The following MAD1L1 variants were observed in gnomAD, a reference collection of about 807,000 sequenced individuals.
MAD1L1 encodes the protein mitotic arrest deficient 1 like 1, also known as mitotic spindle assembly checkpoint protein MAD1.
MAD1L1 carries 95 observed loss-of-function variants against 96.9 expected under a neutral mutation model. The observed-to-expected ratio is 0.98, with a 90% CI of 0.83 to 1.16. MAD1L1 has a LOEUF of 1.16. MAD1L1 is among the 50% of genes most tolerant of loss of function. The pLI is 0.00. For missense variants in MAD1L1, 1,007 were observed against 954.4 expected, an observed-to-expected ratio of 1.06 and a Z score of -0.73; for synonymous variants, 473 against 396.6, an observed-to-expected ratio of 1.19 and a Z score of -2.29.
intron 15 of MAD1L1, among the ~76,000 whole-genome samples, chr7:1,974,819 C>T (rs1032741862): frequency 2.0e-5 from 3 of 152,370 alleles, no homozygotes; most frequent in South Asian, 2.1e-4. Context: ...GAGCAGGCCC[C>T]GGCCAGAGTG....
chr7:1,885,512 G>C (rs552770246), intron 18 of MAD1L1, among the ~76,000 whole-genome samples: 1 of 152,134 alleles, frequency 6.6e-6, no homozygotes, highest in Non-Finnish European at 1.5e-5. Context: ...GGGTGCGGTC[G>C]GAAGGGCAGA....
At chr7:1,858,267 G>A (rs1048680731) in intron 18 of MAD1L1, among the ~76,000 whole-genome samples, 3 of 152,224 alleles carry the variant, frequency 2.0e-5, no homozygotes, top group Admixed American at 6.5e-5. Context: ...TAGCGGTGCT[G>A]GGATCTGAGT....
At chr7:2,189,038 A>G (rs1410962182) in intron 10 of MAD1L1, among the ~76,000 whole-genome samples, 1 of 152,202 alleles carries the variant, frequency 6.6e-6, no homozygotes, top group Non-Finnish European at 1.5e-5. Flanking sequence ...ATTTTTCCAA[A>G]GAAGACACAC....
At chr7:2,104,032 G>A (rs972558950) in intron 11 of MAD1L1, among the ~76,000 whole-genome samples, 20 of 152,210 alleles carry the variant, frequency 1.3e-4, no homozygotes, top group Non-Finnish European at 2.4e-4. Context: ...AGCCTGCCTT[G>A]AGCAAAAGCA....
At chr7:1,825,559 C>T (rs1335510185) in intron 18 of MAD1L1, among the ~76,000 whole-genome samples, 1 of 152,234 alleles carries the variant, frequency 6.6e-6, no homozygotes, top group Admixed American at 6.5e-5. Context: ...ACCCAGCGGC[C>T]AGGGCACCCA....
chr7:1,965,966 C>A (rs961548838), intron 15 of MAD1L1, among the ~76,000 whole-genome samples: 2 of 152,266 alleles, frequency 1.3e-5, no homozygotes, highest in Non-Finnish European at 1.5e-5. Context: ...TGGGGGGCAT[C>A]CCTGGGTCGG....
At chr7:1,943,199 C>A (rs1779079929) in intron 16 of MAD1L1, among the ~76,000 whole-genome samples, 2 of 152,186 alleles carry the variant, frequency 1.3e-5, no homozygotes, top group South Asian at 4.1e-4. Flanking sequence ...ACCCTCCTAA[C>A]CTTGGATTTA....
chr7:2,095,199 C>T (rs1053847308), intron 11 of MAD1L1, among the ~76,000 whole-genome samples: 37 of 152,166 alleles, frequency 2.4e-4, no homozygotes, highest in Admixed American at 1.8e-3. Context: ...CCCGCCACCA[C>T]GCCTGGCTAC....
At chr7:2,044,796 T>C (rs1783846589) in intron 12 of MAD1L1, among the ~76,000 whole-genome samples, 2 of 151,964 alleles carry the variant, frequency 1.3e-5, no homozygotes, top group Non-Finnish European at 2.9e-5. Context: ...CCCCAAGAAA[T>C]GGAGGCCATC....
intron 12 of MAD1L1, among the ~76,000 whole-genome samples, chr7:2,058,749 G>C (rs1284960741): frequency 1.6e-5 from 2 of 122,148 alleles, no homozygotes; most frequent in East Asian, 2.8e-4. Flanking sequence ...TGTGGCTAGA[G>C]GAGAGAAGCA....
At position 2,069,236 on chromosome 7, in the gene MAD1L1, C is replaced by G. The variant is rs748123384; in HGVS notation, c.1176G>C (p.Ala392=). ...EERKKRETHE[A]LARRLQKRVL... is the part of the protein sequence containing the mutation. The stretch of plus-strand genomic sequence containing the variant: ...CCCGTTTCTGGAGCCTCCGGGCCAG[C>G]GCCTCGTGGGTCTCGCGCTTCTTCC... The change falls in exon 12 of 19, where the codon GCG becomes GCC. Residue 392 remains alanine, a synonymous_variant. Transcript: ENST00000265854. The G allele has an allele frequency of 6.2e-7, 1 of 1,610,444 alleles. No homozygotes were observed. The highest frequency in any genetic ancestry group is 1.3e-5 in the African/African-American group (1 of 74,838).
intron 10 of MAD1L1, among the ~76,000 whole-genome samples, 161 bp downstream of exon 10, chr7:2,213,051 G>C (rs1793063607): frequency 6.6e-6 from 1 of 152,220 alleles, no homozygotes; most frequent in Admixed American, 6.5e-5. Flanking sequence ...CCATCCGCTG[G>C]GAAAGGCCTC....
chr7:1,830,302 C>A (rs1285069515), intron 18 of MAD1L1, among the ~76,000 whole-genome samples: 2 of 152,226 alleles, frequency 1.3e-5, no homozygotes, highest in Non-Finnish European at 2.9e-5. Context: ...GAGGCTGAGG[C>A]AGGAGAATCG....
At chr7:1,983,106 G>A (rs191443830) in intron 14 of MAD1L1, among the ~76,000 whole-genome samples, 10 of 151,058 alleles carry the variant, frequency 6.6e-5, no homozygotes, top group East Asian at 3.9e-4. Flanking sequence ...ACACACACAC[G>A]TGCACACACG....
chr7:1,994,664 G>C (rs927483461), intron 14 of MAD1L1, among the ~76,000 whole-genome samples: 1 of 151,790 alleles, frequency 6.6e-6, no homozygotes, highest in African/African-American at 2.4e-5. Flanking sequence ...TCGGGGGGGG[G>C]ATTAGCACCC....
chr7:1,831,680 A>G (rs1394295622), intron 18 of MAD1L1, among the ~76,000 whole-genome samples: 2 of 152,240 alleles, frequency 1.3e-5, no homozygotes, highest in African/African-American at 4.8e-5. Flanking sequence ...CACATGAATG[A>G]TAAGAAAGCA....
At chr7:1,888,838 C>T (rs983140217) in intron 18 of MAD1L1, among the ~76,000 whole-genome samples, 1 of 152,186 alleles carries the variant, frequency 6.6e-6, no homozygotes, top group Non-Finnish European at 1.5e-5. Flanking sequence ...TATTTGTGTC[C>T]ATGTGTCAGT....
intron 18 of MAD1L1, chr7:1,846,911 C>T (rs1042738835): frequency 1.4e-5 from 4 of 290,244 alleles, no homozygotes; most frequent in African/African-American, 9.0e-5. Context: ...TCTCTGCCAG[C>T]TCGTGGGGCT....
rs191119826 is a variant in MAD1L1 at position 2,206,948 on chromosome 7, G to A, written c.986+6264C>T. On this transcript the variant is annotated intron_variant, in intron 10 of 18. Transcript: ENST00000265854. ...ATACAAAAATTAGCCAAGCATGGTG[G>A]TCCATGCCTGTAGTCCCAGCTACTG... Among the ~76,000 whole-genome samples the A allele has an allele frequency of 3.6e-3, 547 of 152,176 alleles. 1 individual carries two copies. Among genetic ancestry groups the A allele is most frequent in the Non-Finnish European group, 6.4e-3 (437 of 67,984 alleles).
Sources: gnomAD v4.1 joint callset for allele counts (sites outside exome capture counted in the v4.1 genomes callset) on GRCh38, gnomAD v4.1.1 for gene constraint, MANE v1.5 for transcripts, NCBI Gene and HGNC (gene_info 2026-07-23, HGNC 2026-07-21) for gene names.